The following TGFBR2 variants were observed in gnomAD, a reference collection of about 807,000 sequenced individuals.
The protein encoded by TGFBR2 is transforming growth factor beta receptor 2, also known as TGF-beta receptor type-2.
A neutral mutation model predicts 49.0 loss-of-function variants in TGFBR2; 18 were observed. The observed-to-expected ratio is 0.37, with a 90% CI of 0.25 to 0.54. TGFBR2 has a LOEUF of 0.54. Ranked by LOEUF, TGFBR2 falls within the 20% of genes least tolerant of loss-of-function variation. The pLI, the probability that TGFBR2 is intolerant of heterozygous loss-of-function variation, is 0.85. For missense variants in TGFBR2, 525 were observed against 722.6 expected, an observed-to-expected ratio of 0.73 and a Z score of 3.13; for synonymous variants, 282 against 275.9, an observed-to-expected ratio of 1.02 and a Z score of -0.22.
chr3:30,688,312 C>T (rs1699658292), intron 5 of TGFBR2, 72 bp from the exon 6 acceptor site: 1 of 1,607,698 alleles, frequency 6.2e-7, no homozygotes, highest in South Asian at 1.1e-5. Flanking sequence ...AGCCAGGCAT[C>T]TCACCATGCT....
chr3:30,634,405 T>C (rs1698489759), intron 1 of TGFBR2, among the ~76,000 whole-genome samples: 1 of 152,216 alleles, frequency 6.6e-6, no homozygotes, highest in African/African-American at 2.4e-5. Context: ...TTTCCAAAGC[T>C]CTTTTGATGA....
chr3:30,657,988 C>T (rs1218064062), intron 3 of TGFBR2, among the ~76,000 whole-genome samples: 1 of 152,198 alleles, frequency 6.6e-6, no homozygotes, highest in Non-Finnish European at 1.5e-5. Flanking sequence ...GCATACCGAG[C>T]AGGGGTCTGC....
chr3:30,645,770 G>A lies in TGFBR2; in HGVS notation c.263+855G>A, dbSNP rs141789481. Among the ~76,000 whole-genome samples, 1,048 of 152,032 alleles carry A rather than the reference G, an allele frequency of 6.9e-3. 9 individuals carry two copies. Among genetic ancestry groups the A allele is most frequent in the African/African-American group, 0.024 (988 of 41,472 alleles). On this transcript the variant is annotated intron_variant, in intron 2 of 6. Transcript: ENST00000295754. ...CAAAGTGCTGGAATTACAGGCATGAGCCACCATGCCCGACCAGAACTATAT... is the reference window on the plus strand; with the variant it reads ...CAAAGTGCTGGAATTACAGGCATGAACCACCATGCCCGACCAGAACTATAT...
rs10575244 is a variant in TGFBR2 at position 30,622,879 on chromosome 3, CAAAAAAAAAAAAAAA to C, written c.94+15915_94+15929del. 3.6e-3 allele frequency among the ~76,000 whole-genome samples: 273 copies of C among 75,662 alleles called. 9 individuals carry two copies. The East Asian group carries it at 0.094, about 26-fold the overall frequency. 49.6% of individuals were successfully genotyped at this position (75,662 alleles called of 152,430 possible). On this transcript the variant is annotated intron_variant, in intron 1 of 6. Coordinates refer to ENST00000295754, the MANE Select transcript of TGFBR2 (RefSeq NM_003242.6). ...TGGGCAACAGAGCGAGACTTTGTCTCAAAAAAAAAAAAAAAAAAAAAAAAAAAGAGAAAGGAAAAA... is the reference window on the plus strand; with the variant it reads ...TGGGCAACAGAGCGAGACTTTGTCTCAAAAAAAAAAAAGAGAAAGGAAAAA...
intron 1 of TGFBR2, 25 bp downstream of exon 1, chr3:30,607,002 G>A (rs896027491): frequency 1.3e-6 from 2 of 1,557,826 alleles, no homozygotes; most frequent in Admixed American, 1.9e-5. Flanking sequence ...GCCCGGGCTC[G>A]GCGGGGCGCC....
intron 1 of TGFBR2, among the ~76,000 whole-genome samples, chr3:30,620,143 C>T (rs57697845): frequency 0.015 from 2,310 of 152,232 alleles, 29 homozygotes; most frequent in East Asian, 0.044. Context: ...GCCGAGATCG[C>T]GCCACTGCAC....
chr3:30,674,698 G>A (rs148468843), intron 5 of TGFBR2, among the ~76,000 whole-genome samples: 1 of 150,900 alleles, frequency 6.6e-6, no homozygotes, highest in East Asian at 1.9e-4. Context: ...TTGTTTTATT[G>A]GGCAAAAAAA....
At chr3:30,639,067 C>T (rs910268830) in intron 1 of TGFBR2, among the ~76,000 whole-genome samples, 2 of 152,154 alleles carry the variant, frequency 1.3e-5, no homozygotes, top group African/African-American at 4.8e-5. Context: ...ATGGAAAGAA[C>T]TGGAAGATGA....
chr3:30,692,309 C>A lies in TGFBR2; in HGVS notation c.*710C>A. ...TCTCCTGGACTTTTCATTTAAGCTC[C>A]AAGCCCCAAATCTGGGGGGCTAGTT... On this transcript the variant is annotated 3_prime_UTR_variant, in exon 7 of 7. Transcript: ENST00000295754. 1 of 230,304 alleles carries A rather than the reference C, an allele frequency of 4.3e-6. No homozygotes were observed. 14.3% of individuals were successfully genotyped at this position (230,304 alleles called of 1,614,324 possible).
At chr3:30,610,928 C>T (rs1233954747) in intron 1 of TGFBR2, among the ~76,000 whole-genome samples, 1 of 152,132 alleles carries the variant, frequency 6.6e-6, no homozygotes, top group Non-Finnish European at 1.5e-5. Context: ...GGCAGCTGTT[C>T]CTTTGTTCAG....
intron 3 of TGFBR2, among the ~76,000 whole-genome samples, chr3:30,670,150 A>G (rs893641777): frequency 1.3e-5 from 2 of 152,010 alleles, no homozygotes; most frequent in African/African-American, 4.8e-5. Context: ...TAAGTAGATC[A>G]TATATTCTTT....
chr3:30,632,186 C>G (rs1411451269), intron 1 of TGFBR2, among the ~76,000 whole-genome samples: 1 of 152,048 alleles, frequency 6.6e-6, no homozygotes, highest in African/African-American at 2.4e-5. Context: ...TTTAGAATTC[C>G]ACAATCTTAA....
chr3:30,679,160 C>T (rs1445244138), intron 5 of TGFBR2, among the ~76,000 whole-genome samples: 2 of 152,170 alleles, frequency 1.3e-5, no homozygotes, highest in Admixed American at 1.3e-4. Context: ...CTGTTTTTAA[C>T]AGGCAAGTGT....
At chr3:30,657,169 A>G (rs1326307030) in intron 3 of TGFBR2, among the ~76,000 whole-genome samples, 1 of 152,206 alleles carries the variant, frequency 6.6e-6, no homozygotes, top group Non-Finnish European at 1.5e-5. Flanking sequence ...TGTCTCTTAT[A>G]GAAGGAATAC....
At chr3:30,683,409 A>G (rs1332953822) in intron 5 of TGFBR2, among the ~76,000 whole-genome samples, 1 of 152,156 alleles carries the variant, frequency 6.6e-6, no homozygotes, top group Non-Finnish European at 1.5e-5. Context: ...CTTGTAATTC[A>G]TTTCTACTGT....
chr3:30,688,445 C>T lies in TGFBR2; in HGVS notation c.1458C>T (p.Ser486=), dbSNP rs139881155. The T allele has an allele frequency of 1.6e-4, 258 of 1,614,208 alleles. 1 individual carries two copies. The African/African-American group carries it at 2.7e-3, about 17-fold the overall frequency. ...SKVREHPCVE[S]MKDNVLRDRG... is the part of the protein sequence containing the mutation. ...TGCGGGAGCACCCCTGTGTCGAAAGCATGAAGGACAACGTGTTGAGAGATC... is the reference window on the plus strand; with the variant it reads ...TGCGGGAGCACCCCTGTGTCGAAAGTATGAAGGACAACGTGTTGAGAGATC... The change falls in exon 6 of 7, where the codon AGC becomes AGT. Residue 486 remains serine, a synonymous_variant. Transcript: ENST00000295754.
intron 3 of TGFBR2, among the ~76,000 whole-genome samples, chr3:30,651,422 C>A (rs1401983579): frequency 6.6e-6 from 1 of 152,160 alleles, no homozygotes; most frequent in East Asian, 1.9e-4. Flanking sequence ...GTCCATCCTT[C>A]CATCCACTCA....
intron 4 of TGFBR2, among the ~76,000 whole-genome samples, 162 bp from the exon 5 acceptor site, chr3:30,673,943 C>T (rs1385180516): frequency 6.6e-6 from 1 of 152,050 alleles, no homozygotes; most frequent in African/African-American, 2.4e-5. Flanking sequence ...AAAAAATAAC[C>T]ATCTATCTGT....
chr3:30,656,993 C>A (rs758572540), intron 3 of TGFBR2, among the ~76,000 whole-genome samples: 26 of 152,174 alleles, frequency 1.7e-4, no homozygotes, highest in Non-Finnish European at 3.1e-4. Context: ...TTCATAGACT[C>A]ATTACATTTT....
Sources: gnomAD v4.1 joint callset for allele counts (sites outside exome capture counted in the v4.1 genomes callset) on GRCh38, gnomAD v4.1.1 for gene constraint, MANE v1.5 for transcripts, NCBI Gene and HGNC (gene_info 2026-07-23, HGNC 2026-07-21) for gene names.